The following ATP11A variants were observed in gnomAD, a reference collection of about 807,000 sequenced individuals.
ATP11A encodes phospholipid-transporting ATPase IH.
ATP11A carries 81 observed loss-of-function variants against 154.4 expected under a neutral mutation model. The ratio of observed to expected loss-of-function variants is 0.52; its 90% confidence interval spans 0.44 to 0.63. The LOEUF (loss-of-function observed/expected upper bound fraction) is 0.63, where lower values mean the gene tolerates loss of function less well. Ranked by LOEUF, ATP11A falls within the 30% of genes least tolerant of loss-of-function variation. ATP11A has a pLI of 0.00. For synonymous variants in ATP11A, 623 were observed against 585.9 expected, an observed-to-expected ratio of 1.06 and a Z score of -0.91; for missense variants, 1,316 against 1,474.3, an observed-to-expected ratio of 0.89 and a Z score of 1.76.
At chr13:112,737,165 T>C (rs1481533347) in intron 1 of ATP11A, among the ~76,000 whole-genome samples, 2 of 152,188 alleles carry the variant, frequency 1.3e-5, no homozygotes, top group East Asian at 1.9e-4. Context: ...GAGTATGTTA[T>C]AAGATTCATT....
intron 17 of ATP11A, 95 bp from the exon 18 acceptor site, chr13:112,850,942 C>A: frequency 1.7e-6 from 2 of 1,159,914 alleles, no homozygotes; most frequent in Non-Finnish European, 2.5e-6. Context: ...GTTAGTTAGT[C>A]TAATGAGAGA....
chr13:112,864,487 T>C lies in ATP11A; in HGVS notation c.2991+1912T>C, dbSNP rs534650556. Among the ~76,000 whole-genome samples, 6 of 86,166 alleles carry C rather than the reference T, an allele frequency of 7.0e-5. 3 individuals carry two copies. The Admixed American group carries it at 8.2e-4, about 12-fold the overall frequency. The allele number at this position is 86,166 out of a possible 152,430, so 56.5% of individuals were successfully genotyped here. On this transcript the variant is annotated intron_variant, in intron 25 of 29. Transcript: ENST00000375645. ...CTTCCCAGCGGGGTCCATCACCACA[T>C]GCACAGTAATTCAGTGCAGCCCGTG... is the stretch of plus-strand genomic sequence containing the variant.
chr13:112,841,080 ACCCAGGCACAAACCAGCCG>A (rs2079401640), intron 16 of ATP11A, among the ~76,000 whole-genome samples: 1 of 151,932 alleles, frequency 6.6e-6, no homozygotes, highest in Non-Finnish European at 1.5e-5. Flanking sequence ...GTTTCCCTGC[ACCCAGGCACAAACCAGCCG>A]CCTGGCAGAG....
In ATP11A at chr13:112,717,568, A is replaced by G. The variant is rs1430197717; in HGVS notation, c.39+27113A>G. On this transcript the variant is annotated intron_variant, in intron 1 of 29. Coordinates refer to ENST00000375645, the MANE Select transcript of ATP11A (RefSeq NM_015205.3). ...TGAATGTACAACCTTCACATTGTACATTACAAACACTACTGTCAAGTTTAT... is the reference window on the plus strand; with the variant it reads ...TGAATGTACAACCTTCACATTGTACGTTACAAACACTACTGTCAAGTTTAT... 2.6e-5 allele frequency: 4 copies of G among 152,246 alleles called. No homozygotes were observed. In the East Asian group the frequency reaches 7.7e-4, roughly 29 times the overall value. 9.4% of individuals were successfully genotyped at this position (152,246 alleles called of 1,614,324 possible).
chr13:112,878,217 A>T lies in ATP11A; in HGVS notation c.3328A>T (p.Thr1110Ser). ...CGTGGCCGCTGACCTCGGGACTAAG[A>T]CTAAGAGCCAGTGCCTTTCTGTCGA... ...LWPTATERVQ[T>S]KSQCLSVEQS... Residue 1110 changes from threonine to serine, a missense_variant and splice_region_variant, in exon 29 of 30, where the codon ACT becomes TCT. Thr to Ser is a moderately conservative substitution (Grantham distance 58). Transcript: ENST00000375645. 6.2e-7 allele frequency: 1 copy of T among 1,614,172 alleles called. No homozygotes were observed. Among genetic ancestry groups the T allele is most frequent in the Non-Finnish European group, 8.5e-7 (1 of 1,180,014 alleles).
rs58956060 is a variant in ATP11A at position 112,691,483 on chromosome 13, G to GGTGTGTGTGTGT, written c.39+1041_39+1052dup. ...TGTATCAAAAAAAAAAAAAAAAAAG[G>GGTGTGTGTGTGT]GTGTGTGTGTGTGTGTGTGTGTGTA... On this transcript the variant is annotated intron_variant, in intron 1 of 29. Coordinates refer to ENST00000375645, the MANE Select transcript of ATP11A (RefSeq NM_015205.3). Among the ~76,000 whole-genome samples, 847 of 125,124 alleles carry GGTGTGTGTGTGT rather than the reference G, an allele frequency of 6.8e-3. 15 individuals carry two copies. The highest frequency in any genetic ancestry group is 0.024 in the African/African-American group (809 of 33,332). 82.1% of individuals were successfully genotyped at this position (125,124 alleles called of 152,430 possible). A position where few individuals can be genotyped will look rare whatever the true frequency, so the allele number is the denominator to read the frequency against.
In ATP11A at chr13:112,875,695, C is replaced by T; in HGVS notation, c.3162-81C>T. 6.8e-7 allele frequency: 1 copy of T among 1,472,422 alleles called. No homozygotes were observed. Among genetic ancestry groups the T allele is most frequent in the South Asian group, 1.3e-5 (1 of 78,402 alleles). The allele number at this position is 1,472,422 out of a possible 1,614,324, so 91.2% of individuals were successfully genotyped here. ...CTGACAAAAGTGTAAACTCCCTGAACAGACGGCCTCTCCAGTGAGTAGAGA... is the reference window on the plus strand; with the variant it reads ...CTGACAAAAGTGTAAACTCCCTGAATAGACGGCCTCTCCAGTGAGTAGAGA... On this transcript the variant is annotated intron_variant, in intron 27 of 29. Transcript: ENST00000375645. This position sits in a 1 kb window ranked among gnomAD's most constrained non-coding sequence, Gnocchi z 4.1.
At position 112,854,462 on chromosome 13, in the gene ATP11A, C is replaced by A. The variant is rs944384926; in HGVS notation, c.2175C>A (p.Asp725Glu). The A allele has an allele frequency of 6.2e-7, 1 of 1,612,810 alleles. No homozygotes were observed. Among genetic ancestry groups the A allele is most frequent in the South Asian group, 1.1e-5 (1 of 91,082 alleles). ...TKRIEEQSLH[D>E]VLFELSKTVL... Reference sequence around the variant, plus strand: ...GGATCGAGGAGCAGAGCCTGCACGACGTCCTGTTCGAGCTGAGCAAGACGG... The same window carrying A: ...GGATCGAGGAGCAGAGCCTGCACGAAGTCCTGTTCGAGCTGAGCAAGACGG... The change falls in exon 19 of 30, where the codon GAC becomes GAA. Residue 725 changes from aspartate (D) to glutamate (E), a missense_variant. By Grantham distance (45) the Asp-to-Glu change is conservative. Around this residue, in one of 5 missense-constraint regions of ATP11A, gnomAD observed 876 missense variants for 1,006.8 expected, o/e 0.87. Transcript: ENST00000375645.
intron 25 of ATP11A, among the ~76,000 whole-genome samples, chr13:112,869,671 T>G (rs1167110976): frequency 2.0e-5 from 3 of 152,198 alleles, no homozygotes; most frequent in Non-Finnish European, 2.9e-5. Context: ...GCTGATGTGG[T>G]TGTCTGGGTG....
rs139917817 is a variant in ATP11A, at chr13:112,854,371, C to G, written c.2084C>G (p.Ala695Gly). ...ACGGGAGACAAGATGGAGACGGCCG[C>G]GGCCACGTGCTACGCCTGCAAGCTC... Reference protein sequence around the residue: ...VLTGDKMETAAATCYACKLFR... With the variant: ...VLTGDKMETAGATCYACKLFR... The change falls in exon 19 of 30, where the codon GCG (alanine) becomes GGG (glycine). Residue 695 changes from alanine to glycine, a missense_variant. Coordinates refer to ENST00000375645, the MANE Select transcript of ATP11A (RefSeq NM_015205.3). The G allele has an allele frequency of 1.2e-6, 2 of 1,613,934 alleles. No homozygotes were observed. Among genetic ancestry groups the G allele is most frequent in the Non-Finnish European group, 1.7e-6 (2 of 1,180,056 alleles).
chr13:112,762,769 C>A (rs1594591205), intron 1 of ATP11A, among the ~76,000 whole-genome samples: 2 of 152,312 alleles, frequency 1.3e-5, no homozygotes, highest in East Asian at 1.9e-4. Flanking sequence ...TAAAACATCA[C>A]AAACAAAAAG....
Position 112,875,263 on chromosome 13 carries a change from C to A in ATP11A, c.3162-513C>A, listed in dbSNP as rs916069785. On this transcript the variant is annotated intron_variant, in intron 27 of 29. Coordinates refer to ENST00000375645, the MANE Select transcript of ATP11A (RefSeq NM_015205.3). The surrounding 1 kb of genome is among the most constrained non-coding windows in gnomAD (Gnocchi z 4.1). ...GATCAGGAAACGTTACCGGAAGGCA[C>A]GTATAGACGTGGACCTGTGGGCTCG... 1.3e-5 allele frequency among the ~76,000 whole-genome samples: 2 copies of A among 152,174 alleles called. No individual in the cohort carries two copies. The highest frequency in any genetic ancestry group is 6.5e-5 in the Admixed American group (1 of 15,274).
intron 1 of ATP11A, among the ~76,000 whole-genome samples, chr13:112,756,530 C>T (rs1450752891): frequency 1.3e-5 from 2 of 152,184 alleles, no homozygotes; most frequent in East Asian, 1.9e-4. Context: ...GTCACCTAGA[C>T]CTTACCTCCC....
chr13:112,837,300 T>C (rs1317094127), intron 16 of ATP11A, among the ~76,000 whole-genome samples: 1 of 152,234 alleles, frequency 6.6e-6, no homozygotes, highest in East Asian at 1.9e-4. Context: ...TGCCGTGGGC[T>C]TTCCCATAGG....
At chr13:112,858,616 G>A in intron 22 of ATP11A, 1 of 226,028 alleles carries the variant, frequency 4.4e-6, no homozygotes, top group African/African-American at 2.3e-5. Flanking sequence ...TCCTTCCTGG[G>A]ATGTGGCTTG....
intron 1 of ATP11A, among the ~76,000 whole-genome samples, chr13:112,705,520 C>T (rs898990701): frequency 6.6e-6 from 1 of 152,152 alleles, no homozygotes; most frequent in African/African-American, 2.4e-5. Flanking sequence ...ATGTAGCACA[C>T]CCGCTGTGAG....
Position 112,697,022 on chromosome 13 carries a change from G to C in ATP11A, c.39+6567G>C, listed in dbSNP as rs1365819886. ...GCGAGGCGGGTGGAGGATGCGTGGG[G>C]CGCAGTGCTTGCGCGCAGTGGGTGG... On this transcript the variant is annotated intron_variant, in intron 1 of 29. Transcript: ENST00000375645. This position sits in a 1 kb window ranked among gnomAD's most constrained non-coding sequence, Gnocchi z 4.0. The C allele has an allele frequency of 6.5e-6, 1 of 152,878 alleles. No homozygotes were observed. The highest frequency in any genetic ancestry group is 1.5e-5 in the Non-Finnish European group (1 of 68,476). The allele number at this position is 152,878 out of a possible 1,614,324, so 9.5% of individuals were successfully genotyped here.
intron 1 of ATP11A, among the ~76,000 whole-genome samples, chr13:112,764,775 A>C (rs1445119152): frequency 6.6e-6 from 1 of 152,120 alleles, no homozygotes; most frequent in Non-Finnish European, 1.5e-5. Context: ...TTCACACTGG[A>C]TGGCTACTGA....
Position 112,864,369 on chromosome 13 carries a change from C to T in ATP11A, c.2991+1794C>T, listed in dbSNP as rs1376199208. On this transcript the variant is annotated intron_variant, in intron 25 of 29. Transcript: ENST00000375645. ...GGCCATGCAGCTTCCCAGCGGGGAT[C>T]ATCACCACGTGCGCCATAATTCAGC... Among the ~76,000 whole-genome samples the T allele has an allele frequency of 3.5e-5, 4 of 113,494 alleles. 1 individual carries two copies. Among genetic ancestry groups the T allele is most frequent in the African/African-American group, 1.2e-4 (4 of 32,388 alleles). 74.5% of individuals were successfully genotyped at this position (113,494 alleles called of 152,430 possible). A position where few individuals can be genotyped will look rare whatever the true frequency, so the allele number is the denominator to read the frequency against.
Sources: allele counts gnomAD v4.1 joint callset (sites outside exome capture counted in the v4.1 genomes callset), GRCh38; gene constraint gnomAD v4.1.1; regional missense constraint gnomAD v4.1.1; non-coding constraint Gnocchi (gnomAD v3.1); transcripts MANE v1.5; gene names NCBI Gene and HGNC (gene_info 2026-07-23, HGNC 2026-07-21).